TTC19: variants seen among roughly 807,000 people sequenced by gnomAD.
TTC19 encodes tetratricopeptide repeat protein 19, mitochondrial.
In TTC19, 38 loss-of-function variants were observed where a neutral mutation model predicts 49.5. The observed-to-expected ratio is 0.77, with a 90% CI of 0.59 to 1.01. The LOEUF (loss-of-function observed/expected upper bound fraction) is 1.01, where lower values mean the gene tolerates loss of function less well. Ranked by LOEUF, TTC19 falls within the 50% of genes least tolerant of loss-of-function variation. TTC19 has a pLI of 0.00. For missense variants in TTC19, 475 were observed against 477.7 expected (o/e 0.99, Z 0.05); for synonymous variants, 204 against 185.2 (o/e 1.10, Z -0.83).
intron 2 of TTC19, among the ~76,000 whole-genome samples, chr17:16,035,791 C>T (rs139398997): frequency 1.4e-3 from 211 of 152,194 alleles, no homozygotes; most frequent in African/African-American, 4.8e-3. Flanking sequence ...ATTCTACTGC[C>T]TCAGCCACCC....
At chr17:16,026,736 T>A (rs2151684726) in intron 9 of TTC19, 34 bp downstream of exon 9, 1 of 1,610,584 alleles carries the variant, frequency 6.2e-7, no homozygotes, top group South Asian at 1.1e-5. Context: ...TGACTTGCTT[T>A]AAGGGAGGGA....
At chr17:16,000,456 G>C in intron 2 of TTC19, 1 of 1,380,066 alleles carries the variant, frequency 7.2e-7, no homozygotes, top group Non-Finnish European at 9.5e-7. Context: ...AACCTCTGCA[G>C]TGTCAAGTGC....
intron 7 of TTC19, 27 bp from the exon 8 acceptor site, chr17:16,024,990 A>G: frequency 1.2e-6 from 2 of 1,613,194 alleles, no homozygotes; most frequent in Non-Finnish European, 1.7e-6. Flanking sequence ...ATTTGGGTAG[A>G]TTTGCTGATT....
intron 7 of TTC19, among the ~76,000 whole-genome samples, chr17:16,022,752 T>G (rs527390903): frequency 1.3e-5 from 2 of 152,342 alleles, no homozygotes; most frequent in South Asian, 2.1e-4. Context: ...TACATCTGAT[T>G]ATTCCATTTG....
At chr17:16,033,336 C>CAAAAAA (rs59285422), downstream of TTC19, among the ~76,000 whole-genome samples, 609 of 57,280 alleles carry the variant, frequency 0.011, 6 homozygotes, top group African/African-American at 0.033. Flanking sequence ...ACTCCGTCTC[C>CAAAAAA]AAAAAAAAAA....
chr17:16,007,469 ACTAAG>A lies in TTC19; in HGVS notation c.676+902_676+906del, dbSNP rs950845163. Among the ~76,000 whole-genome samples, 649 of 152,058 alleles carry A rather than the reference ACTAAG, an allele frequency of 4.3e-3. 7 individuals carry two copies. The highest frequency in any genetic ancestry group is 0.015 in the African/African-American group (607 of 41,516). On this transcript the variant is annotated intron_variant, in intron 7 of 9. Coordinates refer to ENST00000261647, the MANE Select transcript of TTC19 (RefSeq NM_017775.4). ...TTTGTTTTTTGTTTTTTGTTTTCTT[ACTAAG>A]TTGAGAACTTTCACCTTTTCATTAA... is the stretch of plus-strand genomic sequence containing the variant.
In TTC19 at chr17:16,025,144, A is replaced by G. The variant is rs2151682198; in HGVS notation, c.804A>G (p.Glu268=). Residue 268 remains glutamate, a synonymous_variant, in exon 8 of 10, where the codon GAA becomes GAG. Transcript: ENST00000261647. ...RMYEKALQIS[E]EIQGERHPQT... Reference sequence around the variant, plus strand: ...ATGAAAAAGCTCTGCAGATTTCTGAAGAAATACAAGGAGAAAGACACCCAC... The same window carrying G: ...ATGAAAAAGCTCTGCAGATTTCTGAGGAAATACAAGGAGAAAGACACCCAC... The G allele has an allele frequency of 6.2e-7, 1 of 1,614,054 alleles. No homozygotes were observed. Among genetic ancestry groups the G allele is most frequent in the Non-Finnish European group, 8.5e-7 (1 of 1,179,936 alleles).
chr17:16,018,333 C>G (rs2151669458), intron 7 of TTC19, among the ~76,000 whole-genome samples: 1 of 152,284 alleles, frequency 6.6e-6, no homozygotes, highest in African/African-American at 2.4e-5. Flanking sequence ...GTCCCACATG[C>G]TCTGGCCTCT....
Position 16,027,761 on chromosome 17 carries a change from TG to T in TTC19, c.*240del, listed in dbSNP as rs1343914514. 5.2e-6 allele frequency: 3 copies of T among 581,156 alleles called. No individual in the cohort carries two copies. Among genetic ancestry groups the T allele is most frequent in the Non-Finnish European group, 9.7e-6 (3 of 308,444 alleles). The allele number at this position is 581,156 out of a possible 1,614,324, so 36.0% of individuals were successfully genotyped here. A position where few individuals can be genotyped will look rare whatever the true frequency, so the allele number is the denominator to read the frequency against. On this transcript the variant is annotated 3_prime_UTR_variant, in exon 10 of 10. Transcript: ENST00000261647. Reference sequence around the variant, plus strand: ...GATGTCGTCAAGTGATGCTTTCAGTTGTAACACGTGACTTGGTGCTGTCCCT... The same window carrying T: ...GATGTCGTCAAGTGATGCTTTCAGTTTAACACGTGACTTGGTGCTGTCCCT...
chr17:16,037,514 T>C (rs1055999786), intron 2 of TTC19, among the ~76,000 whole-genome samples: 3 of 152,174 alleles, frequency 2.0e-5, no homozygotes, highest in African/African-American at 7.2e-5. Context: ...CCTCCTGCCA[T>C]TAAAATGTGG....
At chr17:16,034,840 A>T (rs1973850282) in intron 2 of TTC19, 2 of 1,614,116 alleles carry the variant, frequency 1.2e-6, no homozygotes, top group Non-Finnish European at 1.7e-6. Flanking sequence ...TGTACAGAGG[A>T]GACTGAAGAG....
chr17:16,013,344 G>A lies in TTC19; in HGVS notation c.676+6776G>A, dbSNP rs186294024. Among the ~76,000 whole-genome samples the A allele has an allele frequency of 5.9e-3, 904 of 152,186 alleles. 14 individuals carry two copies. Among genetic ancestry groups the A allele is most frequent in the Non-Finnish European group, 5.8e-3 (397 of 68,012 alleles). ...TTTATTCATCTTTAATAAATACTGA[G>A]TAGCTGTTCTGTGCCAGGTATTCTA... On this transcript the variant is annotated intron_variant, in intron 7 of 9. Transcript: ENST00000261647.
chr17:16,006,460 A>G lies in TTC19; in HGVS notation c.582-14A>G, dbSNP rs372132660. The G allele has an allele frequency of 1.3e-5, 21 of 1,567,610 alleles. No individual in the cohort carries two copies. In the African/African-American group the frequency reaches 2.6e-4, roughly 19 times the overall value. On this transcript the variant is annotated splice_polypyrimidine_tract_variant and intron_variant, in intron 6 of 9. Coordinates refer to ENST00000261647, the MANE Select transcript of TTC19 (RefSeq NM_017775.4). ...AGAAAAGGTAAATGGCTGATTATTG[A>G]TTTTGCTTTACAGACAGGAATTTGC... is the stretch of plus-strand genomic sequence containing the variant.
intron 3 of TTC19, 41 bp from the exon 4 acceptor site, chr17:16,002,752 C>A: frequency 6.3e-7 from 1 of 1,588,130 alleles, no homozygotes; most frequent in Non-Finnish European, 8.6e-7. Flanking sequence ...AGTAGGAACA[C>A]AGTATTCTAA....
intron 2 of TTC19, among the ~76,000 whole-genome samples, chr17:16,042,747 CTG>C (rs1439933863): frequency 6.6e-6 from 1 of 152,136 alleles, no homozygotes; most frequent in Non-Finnish European, 1.5e-5. Context: ...TAACTGTTAA[CTG>C]TGGTAGGGAA....
At chr17:16,036,801 T>C (rs1340437909) in intron 2 of TTC19, among the ~76,000 whole-genome samples, 3 of 152,226 alleles carry the variant, frequency 2.0e-5, no homozygotes, top group African/African-American at 7.2e-5. Flanking sequence ...TGGTCTTCTA[T>C]CCAGACCACT....
rs149887968 is a variant in TTC19 at position 16,002,646 on chromosome 17, T to G, written c.424-147T>G. On this transcript the variant is annotated intron_variant, in intron 3 of 9. Coordinates refer to ENST00000261647, the MANE Select transcript of TTC19 (RefSeq NM_017775.4). ...TCTCACATGATTGCTGTCCTGTGCT[T>G]CTTCTTGCAGATTAATTGGTGATGT... 4.2e-3 allele frequency: 3,201 copies of G among 753,234 alleles called. 63 individuals are homozygous for G. The East Asian group carries it at 0.045, about 10-fold the overall frequency. 46.7% of individuals were successfully genotyped at this position (753,234 alleles called of 1,614,324 possible).
intron 7 of TTC19, among the ~76,000 whole-genome samples, chr17:16,020,850 T>G (rs566419911): frequency 6.6e-6 from 1 of 151,684 alleles, no homozygotes; most frequent in Admixed American, 6.6e-5. Context: ...TATATATTTT[T>G]GGGGGGTGGT....
chr17:16,016,597 G>A (rs1289944119), intron 7 of TTC19, among the ~76,000 whole-genome samples: 11 of 126,494 alleles, frequency 8.7e-5, no homozygotes, highest in African/African-American at 3.3e-4. Flanking sequence ...TTGCTTTGTC[G>A]CCCAGGCTGG....
Sources: allele counts gnomAD v4.1 joint callset (sites outside exome capture counted in the v4.1 genomes callset), GRCh38; gene constraint gnomAD v4.1.1; transcripts MANE v1.5; gene names NCBI Gene and HGNC (gene_info 2026-07-23, HGNC 2026-07-21).